Variants in DLG5 observed in about 807,000 individuals in gnomAD.
DLG5 encodes the protein discs large MAGUK scaffold protein 5, also known as disks large homolog 5.
DLG5 carries 48 observed loss-of-function variants against 189.8 expected under a neutral mutation model. That is an observed-to-expected ratio of 0.25 (90% CI 0.20 to 0.32). The LOEUF is 0.32. Among genes scored for constraint, DLG5 ranks in the 10% least tolerant of loss-of-function variants. DLG5 has a pLI of 1.00. For synonymous variants in DLG5, 1,016 were observed against 1,054.1 expected, an observed-to-expected ratio of 0.96 and a Z score of 0.70; for missense variants, 2,160 against 2,544.7, an observed-to-expected ratio of 0.85 and a Z score of 3.25.
At chr10:77,855,409 G>A (rs1844182999) in intron 3 of DLG5, among the ~76,000 whole-genome samples, 1 of 152,200 alleles carries the variant, frequency 6.6e-6, no homozygotes, top group Non-Finnish European at 1.5e-5. Context: ...CAAGTTTGAG[G>A]ACCCTTTTTC....
intron 1 of DLG5, among the ~76,000 whole-genome samples, chr10:77,922,486 G>T (rs986908989): frequency 3.9e-5 from 6 of 152,180 alleles, no homozygotes; most frequent in African/African-American, 1.4e-4. Context: ...GCAGATCCAT[G>T]TATCAAATCC....
intron 1 of DLG5, among the ~76,000 whole-genome samples, chr10:77,924,699 G>A (rs1241791379): frequency 2.0e-5 from 3 of 152,206 alleles, no homozygotes; most frequent in Non-Finnish European, 4.4e-5. Context: ...GAAAGGACTA[G>A]GTTTGCCCAG....
chr10:77,805,925 C>A, intron 26 of DLG5, 64 bp from the exon 27 acceptor site: 1 of 1,503,718 alleles, frequency 6.7e-7, no homozygotes, highest in Non-Finnish European at 9.0e-7. Context: ...CCTTCCTGCC[C>A]TTCCTGGTGA....
At chr10:77,838,751 C>A (rs1843272245) in intron 7 of DLG5, among the ~76,000 whole-genome samples, 3 of 152,344 alleles carry the variant, frequency 2.0e-5, no homozygotes, top group Non-Finnish European at 4.4e-5. Flanking sequence ...CCCCCCACAG[C>A]TGACCCCTGA....
chr10:77,853,527 T>C lies in DLG5; in HGVS notation c.691A>G (p.Ser231Gly), dbSNP rs147768464. 1.7e-4 allele frequency: 272 copies of C among 1,601,994 alleles called. No individual in the cohort carries two copies. Among genetic ancestry groups the C allele is most frequent in the South Asian group, 1.3e-3 (117 of 89,482 alleles). ...KETDFYHTLHSRLLSDQTRLK... is the reference protein window; with the variant it reads ...KETDFYHTLHGRLLSDQTRLK... The stretch of plus-strand genomic sequence containing the variant: ...CGAGTCTGGTCACTCAGGAGCCGGC[T>C]GTGGAGTGTGCTGAAACACCCGGTA... Residue 231 changes from serine (S) to glycine (G), a missense_variant, in exon 5 of 32, where the codon AGC becomes GGC. Coordinates refer to ENST00000372391, the MANE Select transcript of DLG5 (RefSeq NM_004747.4).
At chr10:77,830,591 C>T (rs1842851220) in intron 10 of DLG5, 150 bp downstream of exon 10, 4 of 1,337,494 alleles carry the variant, frequency 3.0e-6, no homozygotes, top group Non-Finnish European at 4.1e-6. Flanking sequence ...CCAGCCTGGA[C>T]AGCTGCTGGG....
intron 11 of DLG5, among the ~76,000 whole-genome samples, chr10:77,829,830 T>C (rs768213118): frequency 1.3e-5 from 2 of 152,194 alleles, no homozygotes; most frequent in Non-Finnish European, 2.9e-5. Flanking sequence ...TTGTAAAGAT[T>C]AATCAATTAA....
chr10:77,804,702 A>C (rs964274721), intron 27 of DLG5, among the ~76,000 whole-genome samples: 2 of 152,182 alleles, frequency 1.3e-5, no homozygotes, highest in Non-Finnish European at 2.9e-5. Context: ...CCTATCACTC[A>C]ACTCCAGCCC....
At position 77,835,812 on chromosome 10, in the gene DLG5, C is replaced by A; in HGVS notation, c.1548G>T (p.Ala516=). The A allele has an allele frequency of 3.1e-6, 5 of 1,614,132 alleles. No homozygotes were observed. Among genetic ancestry groups the A allele is most frequent in the Non-Finnish European group, 4.2e-6 (5 of 1,180,012 alleles). The change falls in exon 8 of 32, where the codon GCG becomes GCT. Residue 516 remains alanine, a synonymous_variant. Coordinates refer to ENST00000372391, the MANE Select transcript of DLG5 (RefSeq NM_004747.4). ...AGTCCCGCCGGCACTTGGCCACATC[C>A]GCCTCCTGGAGGGCTTCCTTCAGCT... ...CQELKEALQE[A]DVAKCRRDWA... is the part of the protein sequence containing the mutation.
At position 77,792,277 on chromosome 10, in the gene DLG5, C is replaced by T. The variant is rs547130830; in HGVS notation, c.*163G>A. 180 of 686,924 alleles carry T rather than the reference C, an allele frequency of 2.6e-4. No homozygotes were observed. Among genetic ancestry groups the T allele is most frequent in the African/African-American group, 2.3e-3 (128 of 56,338 alleles). The allele number at this position is 686,924 out of a possible 1,614,324, so 42.6% of individuals were successfully genotyped here. A position where few individuals can be genotyped will look rare whatever the true frequency, so the allele number is the denominator to read the frequency against. ...GGCCTGGGCCTGGATCGCACGCAGC[C>T]GTGGCCCTCTGTCTACAAAGGAGGT... On this transcript the variant is annotated 3_prime_UTR_variant, in exon 32 of 32. Transcript: ENST00000372391.
intron 15 of DLG5, 160 bp downstream of exon 15, chr10:77,820,922 T>C: frequency 1.1e-6 from 1 of 891,488 alleles, no homozygotes; most frequent in Non-Finnish European, 1.6e-6. Context: ...CTTACCTACC[T>C]CCTAGCTGGG....
intron 13 of DLG5, 110 bp downstream of exon 13, chr10:77,828,772 C>A: frequency 1.0e-6 from 1 of 980,552 alleles, no homozygotes; most frequent in Non-Finnish European, 1.6e-6. Context: ...TAGTACAATG[C>A]CCACAACAAG....
At chr10:77,880,396 G>A (rs1224692739) in intron 1 of DLG5, among the ~76,000 whole-genome samples, 1 of 152,226 alleles carries the variant, frequency 6.6e-6, no homozygotes, top group African/African-American at 2.4e-5. Context: ...GGAGGTTGCA[G>A]TGAGCTGAGA....
intron 27 of DLG5, among the ~76,000 whole-genome samples, chr10:77,800,976 T>A (rs1841174550): frequency 6.6e-6 from 1 of 152,112 alleles, no homozygotes; most frequent in African/African-American, 2.4e-5. Context: ...TGTGGCTGGA[T>A]CAAAGTGATC....
intron 3 of DLG5, among the ~76,000 whole-genome samples, chr10:77,856,413 G>T (rs1844228284): frequency 6.6e-6 from 1 of 151,854 alleles, no homozygotes; most frequent in African/African-American, 2.4e-5. Context: ...ACCACATAAA[G>T]CTTCACTCAA....
chr10:77,834,116 G>A, intron 8 of DLG5, 77 bp from the exon 9 acceptor site: 1 of 1,534,834 alleles, frequency 6.5e-7, no homozygotes, highest in South Asian at 1.2e-5. Flanking sequence ...CGGATGGTCT[G>A]GCCACCTCAC....
At chr10:77,845,802 C>T (rs562012539) in intron 5 of DLG5, among the ~76,000 whole-genome samples, 1 of 152,128 alleles carries the variant, frequency 6.6e-6, no homozygotes, top group East Asian at 1.9e-4. Flanking sequence ...TTTTAAAAAG[C>T]AGTACACAGG....
chr10:77,868,450 T>G, intron 2 of DLG5: 1 of 284,914 alleles, frequency 3.5e-6, no homozygotes. Flanking sequence ...TGACTCCCCC[T>G]CCCAGAATGT....
intron 3 of DLG5, among the ~76,000 whole-genome samples, chr10:77,854,832 T>A (rs977098527): frequency 6.6e-6 from 1 of 151,286 alleles, no homozygotes; most frequent in Non-Finnish European, 1.5e-5. Context: ...CAAAAAAAAA[T>A]ACAAAAATTA....
Sources: allele counts gnomAD v4.1 joint callset (sites outside exome capture counted in the v4.1 genomes callset), GRCh38; gene constraint gnomAD v4.1.1; transcripts MANE v1.5; gene names NCBI Gene and HGNC (gene_info 2026-07-23, HGNC 2026-07-21).